Variants in ABCC5 observed in about 807,000 individuals in gnomAD.
The protein encoded by ABCC5 is ATP-binding cassette sub-family C member 5.
ABCC5 carries 61 observed loss-of-function variants against 160.9 expected under a neutral mutation model. The ratio of observed to expected loss-of-function variants is 0.38; its 90% confidence interval spans 0.31 to 0.47. The LOEUF is 0.47. Among genes scored for constraint, ABCC5 ranks in the 20% least tolerant of loss-of-function variants. The probability of loss-of-function intolerance (pLI) is 0.99; values close to 1 mark genes in which losing one functional copy is unlikely to be tolerated. For missense variants in ABCC5, 1,308 were observed against 1,813.3 expected (o/e 0.72, Z 5.06); for synonymous variants, 666 against 700.6 (o/e 0.95, Z 0.78).
At chr3:183,999,022 G>A (rs777979964) in intron 2 of ABCC5, among the ~76,000 whole-genome samples, 4 of 151,700 alleles carry the variant, frequency 2.6e-5, no homozygotes, top group Non-Finnish European at 1.5e-5. Context: ...CCTGGGAGGT[G>A]CAGGTTGCAG....
At position 183,957,952 on chromosome 3, in the gene ABCC5, A is replaced by G. The variant is rs533004001; in HGVS notation, c.2482+1781T>C. Among the ~76,000 whole-genome samples, 77 of 150,856 alleles carry G rather than the reference A, an allele frequency of 5.1e-4. 1 individual carries two copies. Among genetic ancestry groups the G allele is most frequent in the Admixed American group, 4.3e-3 (65 of 15,152 alleles). ...CGGTTACATGCGGATCCGTGTGTAC[A>G]TCACATCGGTTACATGCGGATCCGT... On this transcript the variant is annotated intron_variant, in intron 17 of 29. Coordinates refer to ENST00000334444, the MANE Select transcript of ABCC5 (RefSeq NM_005688.4).
intron 27 of ABCC5, 100 bp from the exon 28 acceptor site, chr3:183,927,543 A>G: frequency 1.3e-6 from 2 of 1,489,590 alleles, no homozygotes; most frequent in Non-Finnish European, 1.8e-6. Context: ...CGATGAAAGA[A>G]CTATTAGCCA....
rs1159018525 is a variant in ABCC5 at position 183,938,031 on chromosome 3, G to A, written c.3724C>T (p.Arg1242Cys). 4 of 1,614,140 alleles carry A rather than the reference G, an allele frequency of 2.5e-6. No homozygotes were observed. Among genetic ancestry groups the A allele is most frequent in the Middle Eastern group, 1.7e-4 (1 of 6,058 alleles). Residue 1242 changes from arginine (R) to cysteine (C), a missense_variant, in exon 26 of 30, where the codon CGT becomes TGT. Arg to Cys is a radical substitution (Grantham distance 180, BLOSUM62 -3). Around this residue, in one of 3 missense-constraint regions of ABCC5, gnomAD observed 163 missense variants for 269.7 expected, o/e 0.60. Transcript: ENST00000334444. ...CAGCCTCCAGATAACTCCACCAGAC[G>A]GAAGAGGGCCATCCCCAGCGAGGAC... Reference protein sequence around the residue: ...GKSSLGMALFRLVELSGGCIK... With the variant: ...GKSSLGMALFCLVELSGGCIK...
intron 26 of ABCC5, among the ~76,000 whole-genome samples, chr3:183,937,009 G>A (rs1367246587): frequency 2.0e-5 from 3 of 152,226 alleles, no homozygotes; most frequent in African/African-American, 7.2e-5. Flanking sequence ...TAATTCCAGA[G>A]TATCAAAGGT....
At chr3:184,000,469 T>A (rs1297001753) in intron 2 of ABCC5, among the ~76,000 whole-genome samples, 1 of 152,166 alleles carries the variant, frequency 6.6e-6, no homozygotes, top group Non-Finnish European at 1.5e-5. Context: ...ATTCAACTAG[T>A]CCTTACTGAG....
At chr3:183,977,716 G>T in intron 9 of ABCC5, 92 bp from the exon 10 acceptor site, 1 of 832,142 alleles carries the variant, frequency 1.2e-6, no homozygotes, top group Non-Finnish European at 1.9e-6. Flanking sequence ...GCGCTAGGAA[G>T]GCTGCAACTT....
In ABCC5 at chr3:183,982,465, A is replaced by G. The variant is rs767503803; in HGVS notation, c.985T>C (p.Phe329Leu). Reference sequence around the variant, plus strand: ...GGCTTACTCACCATTGCTGGGTAAAAGAGGATAAAAACAGCTGATCCCAGG... The same window carrying G: ...GGCTTACTCACCATTGCTGGGTAAAGGAGGATAAAAACAGCTGATCCCAGG... ...GFLGSAVFIL[F>L]YPAMMFASRL... Residue 329 changes from phenylalanine (F) to leucine (L), a missense_variant, in exon 7 of 30, where the codon TTT becomes CTT. Physicochemically the swap from Phe to Leu is conservative, Grantham distance 22. Transcript: ENST00000334444. The surrounding 1 kb of genome is among the most constrained non-coding windows in gnomAD (Gnocchi z 5.2). 4 of 1,613,872 alleles carry G rather than the reference A, an allele frequency of 2.5e-6. No homozygotes were observed. The highest frequency in any genetic ancestry group is 2.5e-6 in the Non-Finnish European group (3 of 1,179,864).
chr3:183,923,768 C>T (rs1712238527), intron 29 of ABCC5, among the ~76,000 whole-genome samples: 1 of 152,120 alleles, frequency 6.6e-6, no homozygotes, highest in Non-Finnish European at 1.5e-5. Context: ...TAGTTTAAGG[C>T]AAACAAAGAT....
intron 2 of ABCC5, among the ~76,000 whole-genome samples, chr3:184,005,116 G>A (rs1025645221): frequency 3.3e-5 from 5 of 152,034 alleles, no homozygotes; most frequent in African/African-American, 1.2e-4. Context: ...CTGAGCCACC[G>A]AATTCCAGAA....
chr3:183,923,902 A>G (rs1282181805), intron 29 of ABCC5, among the ~76,000 whole-genome samples: 1 of 150,238 alleles, frequency 6.7e-6, no homozygotes, highest in Non-Finnish European at 1.5e-5. Flanking sequence ...TTTTCTCAAT[A>G]TTTCTCCACA....
In ABCC5 at chr3:183,963,305, A is replaced by C. The variant is rs996526538; in HGVS notation, c.2235+80T>G. The stretch of plus-strand genomic sequence containing the variant: ...TCCAGGAATTTCTAGTTATAACACA[A>C]GGATACCTGGAGCAAACCTACCTCC... On this transcript the variant is annotated intron_variant, in intron 15 of 29. Coordinates refer to ENST00000334444, the MANE Select transcript of ABCC5 (RefSeq NM_005688.4). The surrounding 1 kb of genome is among the most constrained non-coding windows in gnomAD (Gnocchi z 4.6). 5.5e-6 allele frequency: 8 copies of C among 1,447,734 alleles called. No individual in the cohort carries two copies. The African/African-American group carries it at 1.1e-4, about 20-fold the overall frequency. The allele number at this position is 1,447,734 out of a possible 1,614,324, so 89.7% of individuals were successfully genotyped here.
Position 183,981,631 on chromosome 3 carries a change from T to G in ABCC5, c.1147+96A>C, listed in dbSNP as rs182131967. On this transcript the variant is annotated intron_variant, in intron 8 of 29. Coordinates refer to ENST00000334444, the MANE Select transcript of ABCC5 (RefSeq NM_005688.4). ...CTACGATACTAGACACTAGTCCTAG[T>G]ACGTAATGTGCTCAGAAAGCAAAGT... 36 of 1,319,742 alleles carry G rather than the reference T, an allele frequency of 2.7e-5. No individual in the cohort carries two copies. The African/African-American group carries it at 4.7e-4, about 17-fold the overall frequency. The allele number at this position is 1,319,742 out of a possible 1,614,324, so 81.8% of individuals were successfully genotyped here.
At position 183,952,022 on chromosome 3, in the gene ABCC5, C is replaced by T. The variant is rs1715404749; in HGVS notation, c.2668-19G>A. The T allele has an allele frequency of 6.2e-7, 1 of 1,600,556 alleles. No individual in the cohort carries two copies. Among genetic ancestry groups the T allele is most frequent in the Non-Finnish European group, 8.5e-7 (1 of 1,170,126 alleles). ...TGGTGTTCTGTTTGAAGCCAAAGTT[C>T]TATGAGGCCAGACTCCTAACGACTG... On this transcript the variant is annotated intron_variant, in intron 18 of 29. Transcript: ENST00000334444.
chr3:183,989,659 T>C (rs1000089993), intron 2 of ABCC5, among the ~76,000 whole-genome samples: 1 of 151,418 alleles, frequency 6.6e-6, no homozygotes, highest in African/African-American at 2.4e-5. Flanking sequence ...AATGCTCCCA[T>C]ATACCTCTGT....
rs2108749928 is a variant in ABCC5, at chr3:183,920,763, A to G, written c.*537T>C. 1.3e-5 allele frequency: 2 copies of G among 152,650 alleles called. No homozygotes were observed. The allele number at this position is 152,650 out of a possible 1,614,324, so 9.5% of individuals were successfully genotyped here. A position where few individuals can be genotyped will look rare whatever the true frequency, so the allele number is the denominator to read the frequency against. On this transcript the variant is annotated 3_prime_UTR_variant, in exon 30 of 30. Coordinates refer to ENST00000334444, the MANE Select transcript of ABCC5 (RefSeq NM_005688.4). The surrounding 1 kb of genome is among the most constrained non-coding windows in gnomAD (Gnocchi z 4.1). Reference sequence around the variant, plus strand: ...GGCTGTCGGAGGGCCCACTATTGCCACACGTCTTCCTTTGGACACCCAGAA... The same window carrying G: ...GGCTGTCGGAGGGCCCACTATTGCCGCACGTCTTCCTTTGGACACCCAGAA...
chr3:183,985,051 AGG>A, intron 5 of ABCC5: 1 of 698,420 alleles, frequency 1.4e-6, no homozygotes, highest in Non-Finnish European at 2.4e-6. Flanking sequence ...AAACTTTCAA[AGG>A]GGGGGAAAAA....
At chr3:183,992,341 A>C (rs1326616170) in intron 2 of ABCC5, among the ~76,000 whole-genome samples, 1 of 152,040 alleles carries the variant, frequency 6.6e-6, no homozygotes, top group Non-Finnish European at 1.5e-5. Context: ...TCACCACTAC[A>C]CTCCAGACTG....
chr3:183,934,401 C>T (rs1441266748), intron 26 of ABCC5, among the ~76,000 whole-genome samples: 1 of 152,168 alleles, frequency 6.6e-6, no homozygotes, highest in African/African-American at 2.4e-5. Flanking sequence ...TTTAATTCTT[C>T]CTCAGTGTCT....
Position 183,921,342 on chromosome 3 carries a change from G to C in ABCC5, c.4272C>G (p.Ala1424=), listed in dbSNP as rs1273913966. The change falls in exon 30 of 30, where the codon GCC becomes GCG. Residue 1424 remains alanine (A), a synonymous_variant. Transcript: ENST00000334444. The surrounding 1 kb of genome is among the most constrained non-coding windows in gnomAD (Gnocchi z 4.1). The part of the protein sequence containing the change: ...LLSNDSSRFY[A]MFAAAENKVA... ...CCTTGTTCTCTGCAGCAGCAAACAT[G>C]GCATAGAATCGGGAACTGTCGTTGG... 3.1e-6 allele frequency: 5 copies of C among 1,611,234 alleles called. No individual in the cohort carries two copies. The highest frequency in any genetic ancestry group is 3.3e-4 in the Middle Eastern group (2 of 6,078).
Sources: gnomAD v4.1 joint callset for allele counts (sites outside exome capture counted in the v4.1 genomes callset) on GRCh38, gnomAD v4.1.1 for gene constraint, gnomAD v4.1.1 regional missense constraint, Gnocchi (gnomAD v3.1) non-coding constraint, MANE v1.5 for transcripts, NCBI Gene and HGNC (gene_info 2026-07-23, HGNC 2026-07-21) for gene names.